Variants in PIK3C3 observed in about 807,000 individuals in gnomAD.
PIK3C3 encodes the protein PI3-kinase type 3.
Under a neutral mutation model 126.1 loss-of-function variants are expected in PIK3C3, and 95 were observed. The observed-to-expected ratio is 0.75, with a 90% confidence interval of 0.64 to 0.89. PIK3C3 has a LOEUF of 0.89. Among genes scored for constraint, PIK3C3 ranks in the 40% least tolerant of loss-of-function variants. PIK3C3 has a pLI of 0.00. For missense variants in PIK3C3, 829 were observed against 1,063.2 expected (o/e 0.78, Z 3.06); for synonymous variants, 374 against 360.0 (o/e 1.04, Z -0.44).
chr18:42,057,980 G>T lies in PIK3C3; in HGVS notation c.2361G>T (p.Met787Ile), dbSNP rs771812389. 3 of 1,613,088 alleles carry T rather than the reference G, an allele frequency of 1.9e-6. No individual in the cohort carries two copies. The change falls in exon 22 of 25, where the codon ATG (methionine) becomes ATT (isoleucine). Residue 787 changes from methionine to isoleucine, a missense_variant. By Grantham distance (10) the Met-to-Ile change is conservative. Around this residue, in one of 4 missense-constraint regions of PIK3C3, gnomAD observed 196 missense variants for 312.8 expected, o/e 0.63. Coordinates refer to ENST00000262039, the MANE Select transcript of PIK3C3 (RefSeq NM_002647.4). ...TGAATAAAGAAATGGTAGAAGGAAT[G>T]GGGGGCACACAGAGTGAGCAGTACC... ...MKLNKEMVEGMGGTQSEQYQE... is the reference protein window; with the variant it reads ...MKLNKEMVEGIGGTQSEQYQE...
At chr18:41,966,079 G>C (rs17661356) in intron 3 of PIK3C3, among the ~76,000 whole-genome samples, 1 of 151,684 alleles carries the variant, frequency 6.6e-6, no homozygotes, top group East Asian at 1.9e-4. Flanking sequence ...CACTGATTGC[G>C]TGAAATTATC....
intron 21 of PIK3C3, among the ~76,000 whole-genome samples, chr18:42,055,734 GAA>G (rs1480315223): frequency 2.6e-5 from 4 of 152,034 alleles, no homozygotes; most frequent in Non-Finnish European, 5.9e-5. Context: ...AGGAGAGTAA[GAA>G]GAGGTATGAA....
At chr18:42,073,802 A>G (rs940732158) in intron 24 of PIK3C3, among the ~76,000 whole-genome samples, 2 of 150,610 alleles carry the variant, frequency 1.3e-5, no homozygotes, top group Admixed American at 1.3e-4. Flanking sequence ...GAGTGATTTC[A>G]CTTTATTTGC....
chr18:42,079,988 TAA>T (rs1491437214), intron 24 of PIK3C3, among the ~76,000 whole-genome samples: 1 of 104,598 alleles, frequency 9.6e-6, no homozygotes, highest in African/African-American at 3.4e-5. Context: ...TGTGTGTATG[TAA>T]GAGAGAGAGT....
At chr18:41,968,307 C>T (rs1980474970) in intron 3 of PIK3C3, among the ~76,000 whole-genome samples, 1 of 152,168 alleles carries the variant, frequency 6.6e-6, no homozygotes, top group African/African-American at 2.4e-5. Flanking sequence ...ATTATCATCT[C>T]ACTGTACGTA....
chr18:42,061,531 G>A (rs944242469), intron 22 of PIK3C3, among the ~76,000 whole-genome samples: 4 of 152,036 alleles, frequency 2.6e-5, no homozygotes, highest in African/African-American at 7.2e-5. Context: ...GCAGTGACCC[G>A]AGATCGTGCC....
At chr18:41,994,816 T>A (rs1338252683) in intron 7 of PIK3C3, among the ~76,000 whole-genome samples, 2 of 152,052 alleles carry the variant, frequency 1.3e-5, no homozygotes, top group African/African-American at 2.4e-5. Flanking sequence ...GGCAGGAGGA[T>A]CACTTGAGCC....
At chr18:42,077,409 C>T (rs1986072233) in intron 24 of PIK3C3, among the ~76,000 whole-genome samples, 1 of 152,062 alleles carries the variant, frequency 6.6e-6, no homozygotes, top group African/African-American at 2.4e-5. Context: ...TGGAGTCAAC[C>T]CTTTCAAAAC....
At chr18:42,063,735 A>T (rs574590467) in intron 22 of PIK3C3, among the ~76,000 whole-genome samples, 57 of 151,852 alleles carry the variant, frequency 3.8e-4, no homozygotes, top group Non-Finnish European at 6.8e-4. Context: ...TTCGTATTTT[A>T]TTATTATTAT....
At chr18:42,054,138 A>ATATCTATATATATATC (rs56148882) in intron 21 of PIK3C3, among the ~76,000 whole-genome samples, 14 of 21,326 alleles carry the variant, frequency 6.6e-4, no homozygotes, top group Non-Finnish European at 9.1e-4. Flanking sequence ...ATATATATAT[A>ATATCTATATATATATC]TATATATATA....
chr18:42,032,286 G>C (rs1424643585), intron 15 of PIK3C3, among the ~76,000 whole-genome samples: 2 of 152,304 alleles, frequency 1.3e-5, no homozygotes, highest in East Asian at 3.9e-4. Context: ...AGTAATAGGA[G>C]ATGAAGTTAG....
At chr18:42,076,133 T>TATGTATGCAC (rs1473122378) in intron 24 of PIK3C3, among the ~76,000 whole-genome samples, 1 of 91,856 alleles carries the variant, frequency 1.1e-5, no homozygotes, top group African/African-American at 6.4e-5. Context: ...CGCATATATA[T>TATGTATGCAC]ATATATATAT....
At chr18:41,999,658 A>T (rs544689644) in intron 9 of PIK3C3, among the ~76,000 whole-genome samples, 4 of 152,312 alleles carry the variant, frequency 2.6e-5, no homozygotes, top group South Asian at 4.1e-4. Context: ...GGGTAAGGAT[A>T]TTTACACATA....
At chr18:42,059,271 C>T (rs1211024169) in intron 22 of PIK3C3, among the ~76,000 whole-genome samples, 1 of 152,162 alleles carries the variant, frequency 6.6e-6, no homozygotes, top group Admixed American at 6.5e-5. Flanking sequence ...GATATTTATC[C>T]TTTGGGTGGC....
Position 42,058,020 on chromosome 18 carries a change from CAG to C in PIK3C3, c.2402_2403del (p.Gln801LeufsTer13). ...QSEQYQEFRK[Q>X]CYTAFLHLRR... ...TGAGCAGTACCAAGAGTTCCGTAAA[CAG>C]TGTTACACGGCTTTCCTCCACCTGC... On this transcript the variant is annotated frameshift_variant, in exon 22 of 25. Coordinates refer to ENST00000262039, the MANE Select transcript of PIK3C3 (RefSeq NM_002647.4). LOFTEE classifies it high-confidence loss of function. The C allele has an allele frequency of 6.2e-7, 1 of 1,603,374 alleles. No homozygotes were observed. Among genetic ancestry groups the C allele is most frequent in the Non-Finnish European group, 8.5e-7 (1 of 1,175,694 alleles).
intron 24 of PIK3C3, among the ~76,000 whole-genome samples, chr18:42,068,253 C>T (rs1171180891): frequency 6.6e-6 from 1 of 152,104 alleles, no homozygotes; most frequent in African/African-American, 2.4e-5. Context: ...TTTATGATAC[C>T]TAGGTGTGTG....
intron 12 of PIK3C3, among the ~76,000 whole-genome samples, chr18:42,018,138 G>A (rs1188793559): frequency 1.3e-5 from 2 of 151,772 alleles, no homozygotes; most frequent in Non-Finnish European, 2.9e-5. Context: ...TTTCTTGAAG[G>A]ATACCTGCAC....
intron 13 of PIK3C3, among the ~76,000 whole-genome samples, chr18:42,024,471 T>C (rs1194096488): frequency 1.3e-5 from 2 of 152,150 alleles, no homozygotes; most frequent in Non-Finnish European, 2.9e-5. Flanking sequence ...GTTTCATTCT[T>C]GTTGCCCAGG....
intron 13 of PIK3C3, among the ~76,000 whole-genome samples, chr18:42,021,749 G>T (rs1368547473): frequency 6.6e-6 from 1 of 152,074 alleles, no homozygotes; most frequent in Non-Finnish European, 1.5e-5. Context: ...AATCTGAAAT[G>T]CTCCAAAATC....
Sources: allele counts gnomAD v4.1 joint callset (sites outside exome capture counted in the v4.1 genomes callset), GRCh38; gene constraint gnomAD v4.1.1; regional missense constraint gnomAD v4.1.1; transcripts MANE v1.5; gene names NCBI Gene and HGNC (gene_info 2026-07-23, HGNC 2026-07-21).